The following SLC4A4 variants were observed in gnomAD, a reference collection of about 807,000 sequenced individuals.
SLC4A4 encodes electrogenic sodium bicarbonate cotransporter 1.
SLC4A4 carries 27 observed loss-of-function variants against 111.5 expected under a neutral mutation model. That is an observed-to-expected ratio of 0.24 (90% CI 0.18 to 0.33). The LOEUF (loss-of-function observed/expected upper bound fraction) is 0.33. Ranked by LOEUF, SLC4A4 falls within the 10% of genes least tolerant of loss-of-function variation. The pLI is 1.00. For synonymous variants in SLC4A4, 443 were observed against 463.4 expected (o/e 0.96, Z 0.57); for missense variants, 909 against 1,315.5 (o/e 0.69, Z 4.78).
intron 18 of SLC4A4, among the ~76,000 whole-genome samples, chr4:71,539,961 T>G (rs1056711838): frequency 1.3e-5 from 2 of 152,194 alleles, no homozygotes; most frequent in African/African-American, 2.4e-5. Context: ...CTTATATTGG[T>G]CAAAGCCCTG....
At chr4:71,335,198 T>A (rs996440248) in intron 3 of SLC4A4, among the ~76,000 whole-genome samples, 1 of 152,212 alleles carries the variant, frequency 6.6e-6, no homozygotes, top group Non-Finnish European at 1.5e-5. Context: ...AACCTGCACA[T>A]GTACGCCTAT....
chr4:71,087,570 C>T (rs1041753551), intron 1 of SLC4A4, among the ~76,000 whole-genome samples: 9 of 152,030 alleles, frequency 5.9e-5, no homozygotes, highest in African/African-American at 1.9e-4. Flanking sequence ...CTACACACTG[C>T]TTTGAATGTG....
At chr4:71,542,114 G>A (rs1735124350) in intron 18 of SLC4A4, among the ~76,000 whole-genome samples, 1 of 152,064 alleles carries the variant, frequency 6.6e-6, no homozygotes, top group South Asian at 2.1e-4. Flanking sequence ...TGAATTTGAA[G>A]CATAGCTTTT....
intron 2 of SLC4A4, among the ~76,000 whole-genome samples, chr4:71,162,097 C>T (rs897598101): frequency 6.6e-6 from 1 of 152,144 alleles, no homozygotes; most frequent in East Asian, 1.9e-4. Flanking sequence ...GTTATTCTTG[C>T]TCACCCCAGT....
intron 4 of SLC4A4, among the ~76,000 whole-genome samples, chr4:71,346,992 A>G (rs931174648): frequency 6.6e-6 from 1 of 152,184 alleles, no homozygotes; most frequent in Non-Finnish European, 1.5e-5. Flanking sequence ...TTTATCCCTT[A>G]TAAATATAGA....
At chr4:71,299,128 ACT>A (rs1430014165) in intron 3 of SLC4A4, among the ~76,000 whole-genome samples, 3 of 152,092 alleles carry the variant, frequency 2.0e-5, no homozygotes, top group South Asian at 2.1e-4. Flanking sequence ...GAGTTAAGAG[ACT>A]CTCATTTTTG....
At chr4:71,519,382 A>C (rs555350615) in intron 16 of SLC4A4, among the ~76,000 whole-genome samples, 51 of 152,224 alleles carry the variant, frequency 3.4e-4, no homozygotes, top group Non-Finnish European at 6.0e-4. Flanking sequence ...TAAGAATGTC[A>C]TGACAATGTA....
chr4:71,151,638 T>C (rs138619119), intron 2 of SLC4A4, among the ~76,000 whole-genome samples: 3,503 of 151,874 alleles, frequency 0.023, 218 homozygotes, highest in Admixed American at 0.14. Context: ...ATATTTCCTG[T>C]CTGCGCATGG....
rs116637891 is a variant in SLC4A4 at position 71,418,694 on chromosome 4, G to C, written c.807+21041G>C. On this transcript the variant is annotated intron_variant, in intron 7 of 25. Coordinates refer to ENST00000264485, the MANE Select transcript of SLC4A4 (RefSeq NM_001098484.3). ...AAATATGTTTCTAGTAATTATCCCA[G>C]GGGTTTTCTTTTATGACACCAAAAG... 7.7e-3 allele frequency among the ~76,000 whole-genome samples: 1,173 copies of C among 152,260 alleles called. 16 individuals are homozygous for C. The highest frequency in any genetic ancestry group is 0.025 in the African/African-American group (1,033 of 41,554).
At position 71,350,020 on chromosome 4, in the gene SLC4A4, G is replaced by A; in HGVS notation, c.498G>A (p.Glu166=). 6.2e-7 allele frequency: 1 copy of A among 1,614,132 alleles called. No individual in the cohort carries two copies. The highest frequency in any genetic ancestry group is 8.5e-7 in the Non-Finnish European group (1 of 1,180,012). Residue 166 remains glutamate, a synonymous_variant, in exon 5 of 26, where the codon GAG becomes GAA. Transcript: ENST00000264485. ...TATTTGAGCTGAGGACATGTATGGAGAAAGGATCCATCATGCTTGATCGGG... is the reference window on the plus strand; with the variant it reads ...TATTTGAGCTGAGGACATGTATGGAAAAAGGATCCATCATGCTTGATCGGG... ...HSLFELRTCM[E]KGSIMLDREA...
At chr4:71,275,299 T>G (rs192960120) in intron 3 of SLC4A4, among the ~76,000 whole-genome samples, 1 of 152,274 alleles carries the variant, frequency 6.6e-6, no homozygotes, top group East Asian at 1.9e-4. Context: ...ACACATTTTT[T>G]TTTCCCTCCA....
chr4:71,359,002 A>C (rs1313727553), intron 6 of SLC4A4, among the ~76,000 whole-genome samples: 2 of 152,210 alleles, frequency 1.3e-5, no homozygotes, highest in African/African-American at 4.8e-5. Context: ...TATATTTTCA[A>C]AAAGAAGTGG....
chr4:71,453,221 C>T (rs972006345), intron 11 of SLC4A4, among the ~76,000 whole-genome samples: 1 of 152,134 alleles, frequency 6.6e-6, no homozygotes, highest in African/African-American at 2.4e-5. Context: ...GGCAATGAAA[C>T]ATTTTAATGT....
intron 13 of SLC4A4, among the ~76,000 whole-genome samples, chr4:71,470,233 G>A (rs1001178075): frequency 6.6e-6 from 1 of 151,932 alleles, no homozygotes; most frequent in African/African-American, 2.4e-5. Flanking sequence ...TGCATAGGAT[G>A]AAAACAGTGG....
intron 3 of SLC4A4, among the ~76,000 whole-genome samples, chr4:71,310,828 A>G (rs953790974): frequency 6.6e-6 from 1 of 152,236 alleles, no homozygotes; most frequent in African/African-American, 2.4e-5. Context: ...ATTCACACAT[A>G]ACAATATTAA....
At chr4:71,383,907 C>A (rs111833331) in intron 6 of SLC4A4, among the ~76,000 whole-genome samples, 4 of 152,174 alleles carry the variant, frequency 2.6e-5, no homozygotes, top group Non-Finnish European at 2.9e-5. Context: ...CCCGCTCTGT[C>A]GCCTTCCAGT....
intron 15 of SLC4A4, among the ~76,000 whole-genome samples, chr4:71,493,179 C>A (rs931333332): frequency 6.6e-6 from 1 of 151,816 alleles, no homozygotes; most frequent in African/African-American, 2.4e-5. Flanking sequence ...ATAAAACATG[C>A]CCAGTTAAAG....
At chr4:71,181,890 T>C (rs989565915) in intron 2 of SLC4A4, among the ~76,000 whole-genome samples, 10 of 152,226 alleles carry the variant, frequency 6.6e-5, no homozygotes, top group African/African-American at 2.2e-4. Flanking sequence ...AAGGGGATTC[T>C]ACAATTTCTC....
chr4:71,337,116 CAT>C (rs1165704403), intron 3 of SLC4A4, among the ~76,000 whole-genome samples: 2 of 152,306 alleles, frequency 1.3e-5, no homozygotes, highest in African/African-American at 4.8e-5. Flanking sequence ...ATTATGCACA[CAT>C]GTTAGTTACG....
Sources: allele counts gnomAD v4.1 joint callset (sites outside exome capture counted in the v4.1 genomes callset), GRCh38; gene constraint gnomAD v4.1.1; transcripts MANE v1.5; gene names NCBI Gene and HGNC (gene_info 2026-07-23, HGNC 2026-07-21).